The following CACNG2 variants were observed in gnomAD, a reference collection of about 807,000 sequenced individuals.
CACNG2 encodes voltage-dependent calcium channel gamma-2 subunit.
A neutral mutation model predicts 25.9 loss-of-function variants in CACNG2; 3 were observed. That is an observed-to-expected ratio of 0.12 (90% confidence interval 0.05 to 0.30). The LOEUF is 0.30. CACNG2 is among the 10% of genes least tolerant of loss of function. The pLI, the probability that CACNG2 is intolerant of heterozygous loss-of-function variation, is 1.00. For synonymous variants in CACNG2, 167 were observed against 173.3 expected (o/e 0.96, Z 0.29); for missense variants, 341 against 432.5 (o/e 0.79, Z 1.88).
At chr22:36,593,443 A>C (rs1935627600) in intron 1 of CACNG2, among the ~76,000 whole-genome samples, 1 of 152,178 alleles carries the variant, frequency 6.6e-6, no homozygotes, top group South Asian at 2.1e-4. Flanking sequence ...GGGAGGAGGC[A>C]GGGAAATGGA....
intron 1 of CACNG2, among the ~76,000 whole-genome samples, chr22:36,607,550 G>A (rs558355909): frequency 1.3e-5 from 2 of 152,246 alleles, no homozygotes; most frequent in African/African-American, 4.8e-5. Context: ...GGTCCCCTTG[G>A]TCCATTTTAA....
chr22:36,619,308 T>C (rs748622251), intron 1 of CACNG2, among the ~76,000 whole-genome samples: 1 of 152,244 alleles, frequency 6.6e-6, no homozygotes, highest in Non-Finnish European at 1.5e-5. Context: ...TAAAAAATTC[T>C]GAGGTTTAAA....
intron 1 of CACNG2, among the ~76,000 whole-genome samples, chr22:36,633,371 A>G (rs1327623358): frequency 6.6e-6 from 1 of 152,158 alleles, no homozygotes; most frequent in Non-Finnish European, 1.5e-5. Flanking sequence ...ATTTTTCCCA[A>G]TTTTAAGGTT....
chr22:36,600,551 GT>G (rs36076374), intron 1 of CACNG2, among the ~76,000 whole-genome samples: 28,879 of 141,804 alleles, frequency 0.2, 3,069 homozygotes, highest in South Asian at 0.29. Context: ...TTTTAAATTT[GT>G]TTTTTTTTTT....
intron 2 of CACNG2, among the ~76,000 whole-genome samples, chr22:36,579,849 T>C (rs1935383834): frequency 1.3e-5 from 2 of 152,244 alleles, no homozygotes; most frequent in Non-Finnish European, 2.9e-5. Flanking sequence ...TCTGCTTCAA[T>C]GTCACCTTTG....
At chr22:36,639,653 C>A (rs1047246000) in intron 1 of CACNG2, among the ~76,000 whole-genome samples, 1 of 152,202 alleles carries the variant, frequency 6.6e-6, no homozygotes, top group African/African-American at 2.4e-5. Context: ...CTGGTTACCC[C>A]TTTCCCCTCA....
intron 1 of CACNG2, among the ~76,000 whole-genome samples, chr22:36,678,580 C>T (rs551902246): frequency 5.3e-5 from 8 of 152,110 alleles, no homozygotes; most frequent in African/African-American, 1.4e-4. Context: ...TCCACAAAGA[C>T]GTGACCCAAT....
intron 2 of CACNG2, among the ~76,000 whole-genome samples, chr22:36,576,272 A>G (rs943133217): frequency 6.6e-5 from 10 of 152,224 alleles, no homozygotes; most frequent in Non-Finnish European, 1.5e-4. Flanking sequence ...GAAGTAACTC[A>G]GGAATGGAAA....
chr22:36,605,528 C>T (rs12484013), intron 1 of CACNG2, among the ~76,000 whole-genome samples: 32,532 of 152,162 alleles, frequency 0.21, 4,258 homozygotes, highest in Admixed American at 0.3. Context: ...TGGTTAGCTT[C>T]ACAGGGTCTG....
At chr22:36,619,183 C>T (rs1936069839) in intron 1 of CACNG2, among the ~76,000 whole-genome samples, 1 of 152,110 alleles carries the variant, frequency 6.6e-6, no homozygotes, top group African/African-American at 2.4e-5. Context: ...GATTTCAACT[C>T]AGTTCTGTTT....
intron 1 of CACNG2, among the ~76,000 whole-genome samples, chr22:36,697,871 A>G (rs1237433706): frequency 6.6e-6 from 1 of 152,180 alleles, no homozygotes; most frequent in Non-Finnish European, 1.5e-5. Context: ...GAACTTTGGT[A>G]TACTTTAGAA....
At chr22:36,576,537 TA>T (rs35888972) in intron 2 of CACNG2, among the ~76,000 whole-genome samples, 54,894 of 145,914 alleles carry the variant, frequency 0.38, 10,115 homozygotes, top group African/African-American at 0.39. Context: ...AATAAAAAAT[TA>T]AAAAAAAAAA....
intron 2 of CACNG2, among the ~76,000 whole-genome samples, chr22:36,570,312 T>G (rs1012357848): frequency 6.6e-6 from 1 of 152,042 alleles, no homozygotes; most frequent in East Asian, 1.9e-4. Flanking sequence ...AAGAGCAATG[T>G]GGAGGAATCA....
At chr22:36,642,989 T>TTTCC (rs2145968235) in intron 1 of CACNG2, among the ~76,000 whole-genome samples, 1 of 152,096 alleles carries the variant, frequency 6.6e-6, no homozygotes, top group Admixed American at 6.5e-5. Flanking sequence ...AAGAGAGGTC[T>TTTCC]TTCCTTCCTT....
At chr22:36,668,609 C>A (rs1056349543) in intron 1 of CACNG2, among the ~76,000 whole-genome samples, 14 of 152,070 alleles carry the variant, frequency 9.2e-5, no homozygotes, top group Admixed American at 6.6e-4. Flanking sequence ...TTGCCTCAGC[C>A]TCCAGAGTAG....
chr22:36,585,561 C>T (rs1324750715), intron 2 of CACNG2: 1 of 152,208 alleles, frequency 6.6e-6, no homozygotes, highest in Non-Finnish European at 1.5e-5. Flanking sequence ...TTCACTGTAA[C>T]ACAGCCACAC....
At chr22:36,616,268 CTTA>C (rs1936020875) in intron 1 of CACNG2, among the ~76,000 whole-genome samples, 2 of 152,180 alleles carry the variant, frequency 1.3e-5, no homozygotes, top group African/African-American at 4.8e-5. Context: ...GTAAATGTTA[CTTA>C]TTATTGTTGA....
At position 36,703,752 on chromosome 22, in the gene CACNG2, T is replaced by C. The variant is rs1261049534; in HGVS notation, c.-1176A>G. ...GCTTAGAGGAAGGCGTAGCTAGAGA[T>C]AGCTCGCGCTCTCTCTCTCTCTCTC... On this transcript the variant is annotated 5_prime_UTR_variant, in exon 1 of 4. Coordinates refer to ENST00000300105, the MANE Select transcript of CACNG2 (RefSeq NM_006078.5). 6.8e-6 allele frequency among the ~76,000 whole-genome samples: 1 copy of C among 146,466 alleles called. No homozygotes were observed. Among genetic ancestry groups the C allele is most frequent in the Non-Finnish European group, 1.5e-5 (1 of 67,136 alleles).
intron 1 of CACNG2, among the ~76,000 whole-genome samples, chr22:36,679,231 C>T (rs150135614): frequency 0.044 from 3,569 of 81,672 alleles, 150 homozygotes; most frequent in African/African-American, 0.16. Context: ...TCTTTCTTTC[C>T]TTCTTTCTTT....
Sources: allele counts gnomAD v4.1 joint callset (sites outside exome capture counted in the v4.1 genomes callset), GRCh38; gene constraint gnomAD v4.1.1; transcripts MANE v1.5; gene names NCBI Gene and HGNC (gene_info 2026-07-23, HGNC 2026-07-21).